The following ABCD3 variants were observed in gnomAD, a reference collection of about 807,000 sequenced individuals.
ABCD3 encodes the protein ATP binding cassette subfamily D member 3.
Under a neutral mutation model 105.5 loss-of-function variants are expected in ABCD3, and 41 were observed. The ratio of observed to expected loss-of-function variants is 0.39; its 90% CI spans 0.30 to 0.50. ABCD3 has a LOEUF of 0.50. ABCD3 is among the 20% of genes least tolerant of loss of function. The pLI is 0.84. For missense variants in ABCD3, 622 were observed against 806.3 expected, an observed-to-expected ratio of 0.77 and a Z score of 2.77; for synonymous variants, 258 against 269.0, an observed-to-expected ratio of 0.96 and a Z score of 0.40.
At chr1:94,496,567 T>A (rs1380247877) in intron 16 of ABCD3, among the ~76,000 whole-genome samples, 1 of 151,986 alleles carries the variant, frequency 6.6e-6, no homozygotes, top group African/African-American at 2.4e-5. Context: ...CTCTCCATTT[T>A]GTCACAGTAA....
At chr1:94,516,727 A>G (rs1041152776) in intron 22 of ABCD3, among the ~76,000 whole-genome samples, 4 of 152,072 alleles carry the variant, frequency 2.6e-5, no homozygotes, top group African/African-American at 9.6e-5. Flanking sequence ...GTTAGGATAT[A>G]TCGGCAGTTT....
chr1:94,483,018 G>C (rs1649099080), intron 9 of ABCD3, 152 bp from the exon 10 acceptor site: 1 of 656,440 alleles, frequency 1.5e-6, no homozygotes, highest in Non-Finnish European at 2.8e-6. Flanking sequence ...CAGAATCTCA[G>C]GTATAGACTG....
chr1:94,485,220 C>CT (rs1649226707), intron 10 of ABCD3, among the ~76,000 whole-genome samples: 1 of 152,094 alleles, frequency 6.6e-6, no homozygotes, highest in Non-Finnish European at 1.5e-5. Context: ...AATTCAAGTA[C>CT]TTTTATTCCA....
At chr1:94,418,705 G>C in intron 1 of ABCD3, 117 bp downstream of exon 1, 1 of 1,071,488 alleles carries the variant, frequency 9.3e-7, no homozygotes, top group Non-Finnish European at 1.4e-6. Flanking sequence ...CGGAGAGAGG[G>C]CCGACCGCGA....
At chr1:94,508,424 G>T (rs1650474397) in intron 21 of ABCD3, among the ~76,000 whole-genome samples, 1 of 152,004 alleles carries the variant, frequency 6.6e-6, no homozygotes, top group Non-Finnish European at 1.5e-5. Flanking sequence ...GTCAGGTAGT[G>T]TGATGCCTCC....
At chr1:94,472,572 T>C (rs1282483536) in intron 4 of ABCD3, among the ~76,000 whole-genome samples, 1 of 152,120 alleles carries the variant, frequency 6.6e-6, no homozygotes, top group Non-Finnish European at 1.5e-5. Flanking sequence ...ATCTTGGCTA[T>C]GATAGAGGAA....
chr1:94,439,021 C>T (rs1486068734), intron 1 of ABCD3, among the ~76,000 whole-genome samples: 1 of 152,194 alleles, frequency 6.6e-6, no homozygotes, highest in East Asian at 1.9e-4. Flanking sequence ...TGAGTGCTCA[C>T]TACCTCTTTT....
intron 16 of ABCD3, 91 bp downstream of exon 16, chr1:94,491,338 C>A: frequency 3.1e-6 from 3 of 954,204 alleles, no homozygotes; most frequent in East Asian, 2.5e-5. Flanking sequence ...AACTTTAAGG[C>A]TCGACTTAGT....
intron 1 of ABCD3, among the ~76,000 whole-genome samples, chr1:94,456,550 T>G (rs1249778782): frequency 2.6e-5 from 4 of 151,780 alleles, no homozygotes; most frequent in Non-Finnish European, 4.4e-5. Context: ...AGTGCTAGGA[T>G]TACAGGCCTG....
intron 1 of ABCD3, chr1:94,419,353 G>T: frequency 1.0e-6 from 1 of 985,210 alleles, no homozygotes. Flanking sequence ...TTAATGACAC[G>T]CCACTGCTTC....
intron 6 of ABCD3, 77 bp from the exon 7 acceptor site, chr1:94,475,537 T>G: frequency 3.5e-6 from 5 of 1,442,320 alleles, no homozygotes; most frequent in Non-Finnish European, 4.9e-6. Context: ...AGCTAGGTGG[T>G]GTAATATGAT....
At chr1:94,412,991 T>C in the ABCD3 span, among the ~76,000 whole-genome samples, 2 of 152,176 alleles carry the variant, frequency 1.3e-5, no homozygotes, top group Non-Finnish European at 2.9e-5. Context: ...TCTGTAAAAA[T>C]AAGTGCAGTT....
chr1:94,483,248 A>G lies in ABCD3; in HGVS notation c.897+9A>G. On this transcript the variant is annotated intron_variant, in intron 10 of 22. Coordinates refer to ENST00000370214, the MANE Select transcript of ABCD3 (RefSeq NM_002858.4). ...CAGTCTTCCGAAAACTGGTAAGATA[A>G]CACACTTGAGGTTCATGTGTTTATG... 5.6e-6 allele frequency: 9 copies of G among 1,609,210 alleles called. No homozygotes were observed. The highest frequency in any genetic ancestry group is 7.7e-6 in the Non-Finnish European group (9 of 1,175,716).
At chr1:94,438,577 CTT>C (rs774792303) in intron 1 of ABCD3, among the ~76,000 whole-genome samples, 6 of 152,084 alleles carry the variant, frequency 3.9e-5, no homozygotes, top group Non-Finnish European at 8.8e-5. Context: ...ACAGAGAACT[CTT>C]TTTGTGAAAG....
At chr1:94,474,462 T>G (rs1468536044) in intron 5 of ABCD3, among the ~76,000 whole-genome samples, 1 of 152,160 alleles carries the variant, frequency 6.6e-6, no homozygotes, top group Non-Finnish European at 1.5e-5. Flanking sequence ...TCTGAATTTG[T>G]GGGTAAAAAT....
At chr1:94,397,988 T>C in the ABCD3 span, among the ~76,000 whole-genome samples, 1 of 152,214 alleles carries the variant, frequency 6.6e-6, no homozygotes, top group Non-Finnish European at 1.5e-5. Flanking sequence ...ACTCATTCCA[T>C]CTACATTTAT....
At chr1:94,401,405 CT>C in the ABCD3 span, among the ~76,000 whole-genome samples, 3 of 152,216 alleles carry the variant, frequency 2.0e-5, no homozygotes, top group African/African-American at 7.2e-5. Context: ...GAAACAAAAT[CT>C]CCAACCAGCA....
At chr1:94,416,568 G>C (rs1659023798), upstream of ABCD3, among the ~76,000 whole-genome samples, 1 of 152,138 alleles carries the variant, frequency 6.6e-6, no homozygotes, top group Non-Finnish European at 1.5e-5. Flanking sequence ...GAAGGTCTCA[G>C]TAGCAAAAGT....
intron 1 of ABCD3, among the ~76,000 whole-genome samples, chr1:94,457,113 T>A (rs1647611807): frequency 6.6e-6 from 1 of 152,300 alleles, no homozygotes; most frequent in South Asian, 2.1e-4. Flanking sequence ...GCTATTGAGT[T>A]GTTTGAGTTC....
Sources: gnomAD v4.1 joint callset for allele counts (sites outside exome capture counted in the v4.1 genomes callset) on GRCh38, gnomAD v4.1.1 for gene constraint, MANE v1.5 for transcripts, NCBI Gene and HGNC (gene_info 2026-07-23, HGNC 2026-07-21) for gene names.